SCFD2: variants seen among roughly 807,000 people sequenced by gnomAD.
SCFD2 encodes the protein sec1 family domain-containing protein 2.
In SCFD2, 54 loss-of-function variants were observed where a neutral mutation model predicts 58.9. That is an observed-to-expected ratio of 0.92 (90% confidence interval 0.74 to 1.15). SCFD2 has a LOEUF of 1.15. SCFD2 is among the 50% of genes most tolerant of loss of function. The pLI, the probability that SCFD2 is intolerant of heterozygous loss-of-function variation, is 0.00. For missense variants in SCFD2, 805 were observed against 836.6 expected, an observed-to-expected ratio of 0.96 and a Z score of 0.47; for synonymous variants, 321 against 335.9, an observed-to-expected ratio of 0.96 and a Z score of 0.49.
In SCFD2 at chr4:52,920,707, TA is replaced by T; in HGVS notation, c.1707+17del. The T allele has an allele frequency of 1.3e-6, 2 of 1,546,366 alleles. No homozygotes were observed. Among genetic ancestry groups the T allele is most frequent in the African/African-American group, 1.4e-5 (1 of 71,190 alleles). The stretch of plus-strand genomic sequence containing the variant: ...AGTACAACAGATTAGAAGGTTACTT[TA>T]AAACGTATATACTTGCCTGGTGGGT... On this transcript the variant is annotated intron_variant, in intron 6 of 8. Transcript: ENST00000401642.
At chr4:52,940,783 T>TTTC (rs1330634402) in intron 5 of SCFD2, among the ~76,000 whole-genome samples, 3 of 152,174 alleles carry the variant, frequency 2.0e-5, no homozygotes, top group African/African-American at 7.2e-5. Flanking sequence ...AGACACAAAC[T>TTTC]GATAGAAAGT....
intron 5 of SCFD2, among the ~76,000 whole-genome samples, chr4:53,119,090 G>C (rs535418016): frequency 6.6e-6 from 1 of 152,084 alleles, no homozygotes; most frequent in Non-Finnish European, 1.5e-5. Flanking sequence ...AGCCGAGGTG[G>C]GTAAATCACT....
chr4:53,115,075 T>C (rs868804004), intron 5 of SCFD2, among the ~76,000 whole-genome samples: 1 of 152,024 alleles, frequency 6.6e-6, no homozygotes, highest in Non-Finnish European at 1.5e-5. Flanking sequence ...AACAGAAGAA[T>C]GAAAATTAGA....
At chr4:53,221,827 C>G (rs1054660145) in intron 4 of SCFD2, among the ~76,000 whole-genome samples, 1 of 152,158 alleles carries the variant, frequency 6.6e-6, no homozygotes, top group Non-Finnish European at 1.5e-5. Context: ...TCCAGCAGCT[C>G]TACTACAGCT....
intron 5 of SCFD2, among the ~76,000 whole-genome samples, chr4:53,129,347 C>T (rs1036989644): frequency 7.9e-5 from 12 of 152,170 alleles, no homozygotes; most frequent in Non-Finnish European, 1.3e-4. Flanking sequence ...AGTCCAGGTG[C>T]TAAAGACAGA....
intron 4 of SCFD2, among the ~76,000 whole-genome samples, chr4:53,201,221 G>C (rs1728224660): frequency 7.2e-6 from 1 of 139,038 alleles, no homozygotes; most frequent in African/African-American, 2.7e-5. Flanking sequence ...TCCCCTTCCT[G>C]TGTCCACGTG....
At chr4:52,969,209 G>A (rs1267965209) in intron 5 of SCFD2, among the ~76,000 whole-genome samples, 1 of 152,132 alleles carries the variant, frequency 6.6e-6, no homozygotes, top group Non-Finnish European at 1.5e-5. Flanking sequence ...TGATGTGTTT[G>A]GAGTTGAGCT....
At chr4:53,343,904 C>A (rs6554092) in intron 2 of SCFD2, among the ~76,000 whole-genome samples, 87,925 of 151,954 alleles carry the variant, frequency 0.58, 25,629 homozygotes, top group Middle Eastern at 0.65. Context: ...AATTCAACTG[C>A]CCTTCATACT....
intron 4 of SCFD2, among the ~76,000 whole-genome samples, chr4:53,231,636 T>G (rs1285385902): frequency 1.3e-5 from 2 of 152,198 alleles, no homozygotes; most frequent in African/African-American, 4.8e-5. Flanking sequence ...CATTAAAAAC[T>G]ATCCTGGTCA....
At chr4:53,223,362 G>C (rs766031026) in intron 4 of SCFD2, among the ~76,000 whole-genome samples, 1 of 152,164 alleles carries the variant, frequency 6.6e-6, no homozygotes, top group Non-Finnish European at 1.5e-5. Flanking sequence ...AACTCTGAAG[G>C]AACTGTTATA....
intron 3 of SCFD2, among the ~76,000 whole-genome samples, chr4:53,310,154 A>G (rs1218607416): frequency 6.6e-6 from 1 of 152,152 alleles, no homozygotes; most frequent in Admixed American, 6.6e-5. Flanking sequence ...GTGGTCTGGG[A>G]GGCTTTCCAG....
intron 5 of SCFD2, among the ~76,000 whole-genome samples, chr4:53,110,310 A>C (rs1055066278): frequency 3.3e-5 from 5 of 152,218 alleles, no homozygotes; most frequent in Non-Finnish European, 5.9e-5. Flanking sequence ...CCTAGGCAAT[A>C]GCATTCAGGA....
At chr4:53,204,034 A>G (rs74821642) in intron 4 of SCFD2, among the ~76,000 whole-genome samples, 2,812 of 152,200 alleles carry the variant, frequency 0.018, 120 homozygotes, top group African/African-American at 0.064. Flanking sequence ...TTTCTATTCC[A>G]TGTAGGAAAC....
At chr4:53,176,947 C>CAAAAAAAAAAAAAAAAAAAAAAA (rs3064988) in intron 4 of SCFD2, among the ~76,000 whole-genome samples, 1 of 124,706 alleles carries the variant, frequency 8.0e-6, no homozygotes, top group Non-Finnish European at 1.7e-5. Context: ...ACAACAATCT[C>CAAAAAAAAAAAAAAAAAAAAAAA]AAAAAAAAAA....
chr4:53,334,994 C>G (rs1733630709), intron 2 of SCFD2, among the ~76,000 whole-genome samples: 6 of 152,012 alleles, frequency 3.9e-5, no homozygotes, highest in Admixed American at 3.9e-4. Flanking sequence ...GCCAGGAGTT[C>G]AAGACCGGCC....
At chr4:53,302,894 C>T (rs1161967638) in intron 3 of SCFD2, among the ~76,000 whole-genome samples, 3 of 152,066 alleles carry the variant, frequency 2.0e-5, no homozygotes, top group Non-Finnish European at 4.4e-5. Context: ...AACTGGCTGG[C>T]CATATATAGA....
At chr4:53,237,665 C>A (rs1194862215) in intron 4 of SCFD2, among the ~76,000 whole-genome samples, 2 of 136,484 alleles carry the variant, frequency 1.5e-5, no homozygotes, top group African/African-American at 5.5e-5. Context: ...ACCTCCCTCC[C>A]GGACGGGGCG....
rs527404621 is a variant in SCFD2 at position 53,325,195 on chromosome 4, G to A, written c.1008-11432C>T. Among the ~76,000 whole-genome samples the A allele has an allele frequency of 1.0e-3, 156 of 151,158 alleles. 1 individual carries two copies. Among genetic ancestry groups the A allele is most frequent in the African/African-American group, 3.6e-3 (147 of 41,102 alleles). On this transcript the variant is annotated intron_variant, in intron 2 of 8. Coordinates refer to ENST00000401642, the MANE Select transcript of SCFD2 (RefSeq NM_152540.4). The stretch of plus-strand genomic sequence containing the variant: ...ACTACAGATGTGTGTGTGTGTGCGC[G>A]TGCGCGCACGCTTACATATTTGTGA...
intron 5 of SCFD2, among the ~76,000 whole-genome samples, chr4:53,039,434 C>T (rs1336594742): frequency 2.6e-5 from 4 of 152,096 alleles, no homozygotes; most frequent in African/African-American, 9.7e-5. Flanking sequence ...AGAATGTAGC[C>T]TGAACTTCTC....
Sources: gnomAD v4.1 joint callset for allele counts (sites outside exome capture counted in the v4.1 genomes callset) on GRCh38, gnomAD v4.1.1 for gene constraint, MANE v1.5 for transcripts, NCBI Gene and HGNC (gene_info 2026-07-23, HGNC 2026-07-21) for gene names.